Variants in CDH13 observed in about 807,000 individuals in gnomAD.
CDH13 encodes the protein cadherin 13.
CDH13 carries 24 observed loss-of-function variants against 63.8 expected under a neutral mutation model. That is an observed-to-expected ratio of 0.38 (90% CI 0.27 to 0.53). The LOEUF is 0.53. CDH13 is among the 20% of genes least tolerant of loss of function. The pLI is 0.85. For synonymous variants in CDH13, 503 were observed against 355.3 expected, an observed-to-expected ratio of 1.42 and a Z score of -4.67; for missense variants, 1,049 against 903.1, an observed-to-expected ratio of 1.16 and a Z score of -2.07.
At chr16:83,306,612 T>A (rs1439734843) in intron 5 of CDH13, among the ~76,000 whole-genome samples, 1 of 152,216 alleles carries the variant, frequency 6.6e-6, no homozygotes, top group Non-Finnish European at 1.5e-5. Flanking sequence ...AGCTAAATTA[T>A]AATAATTCTG....
chr16:82,988,964 C>T (rs900525874), intron 2 of CDH13, among the ~76,000 whole-genome samples: 1 of 152,070 alleles, frequency 6.6e-6, no homozygotes, highest in Admixed American at 6.5e-5. Flanking sequence ...TTTATATCTC[C>T]AGTGCCAAAG....
intron 4 of CDH13, among the ~76,000 whole-genome samples, chr16:83,200,403 G>A (rs1234660519): frequency 2.6e-5 from 4 of 152,104 alleles, no homozygotes; most frequent in African/African-American, 9.7e-5. Context: ...ACTGTACCTC[G>A]TGTTCCATGT....
chr16:83,266,869 CG>C (rs1307019089), intron 5 of CDH13, among the ~76,000 whole-genome samples: 1 of 152,154 alleles, frequency 6.6e-6, no homozygotes, highest in Non-Finnish European at 1.5e-5. Context: ...GGTCTCAAGT[CG>C]GGATGTCTTG....
At chr16:83,570,609 G>A (rs1904487119) in intron 7 of CDH13, among the ~76,000 whole-genome samples, 1 of 151,082 alleles carries the variant, frequency 6.6e-6, no homozygotes, top group Non-Finnish European at 1.5e-5. Context: ...AAGACGGCTG[G>A]GGAGCTCAAC....
intron 4 of CDH13, among the ~76,000 whole-genome samples, chr16:83,181,867 T>C (rs886276848): frequency 1.8e-4 from 27 of 152,298 alleles, no homozygotes; most frequent in Admixed American, 4.6e-4. Flanking sequence ...GAGATGTTGA[T>C]TGCAGGTTGG....
chr16:82,676,867 T>C (rs1913973797), intron 1 of CDH13, among the ~76,000 whole-genome samples: 1 of 125,382 alleles, frequency 8.0e-6, no homozygotes, highest in African/African-American at 3.2e-5. Context: ...TTGGGTTTCT[T>C]TGTTTTTTGT....
chr16:82,890,407 T>C (rs1423812991), intron 2 of CDH13, among the ~76,000 whole-genome samples: 1 of 152,148 alleles, frequency 6.6e-6, no homozygotes, highest in East Asian at 1.9e-4. Flanking sequence ...CCAGACTTAA[T>C]GGTCATTTCC....
intron 4 of CDH13, among the ~76,000 whole-genome samples, chr16:83,127,533 C>T (rs984875283): frequency 6.6e-6 from 1 of 151,990 alleles, no homozygotes; most frequent in South Asian, 2.1e-4. Flanking sequence ...AGTTCAAGAC[C>T]ATCCTGGCCA....
intron 1 of CDH13, among the ~76,000 whole-genome samples, chr16:82,730,486 G>A (rs190551318): frequency 3.3e-5 from 5 of 152,192 alleles, no homozygotes; most frequent in African/African-American, 9.7e-5. Flanking sequence ...TATTACGTTA[G>A]CCTTCTTGTA....
chr16:83,124,141 G>A (rs1276907858), intron 3 of CDH13, among the ~76,000 whole-genome samples: 1 of 152,088 alleles, frequency 6.6e-6, no homozygotes, highest in South Asian at 2.1e-4. Flanking sequence ...CGCCTCCTGG[G>A]TTCAAGCAAT....
At chr16:82,726,543 G>T (rs1002890054) in intron 1 of CDH13, among the ~76,000 whole-genome samples, 7 of 152,180 alleles carry the variant, frequency 4.6e-5, no homozygotes, top group Non-Finnish European at 8.8e-5. Flanking sequence ...GCTGTTGTTT[G>T]CTGACCTCTG....
In CDH13 at chr16:83,098,661, G is replaced by A. The variant is rs143389453; in HGVS notation, c.367-26724G>A. On this transcript the variant is annotated intron_variant, in intron 3 of 13. Transcript: ENST00000567109. ...GTTGACAAATTTTATTTTTCTTTGA[G>A]CATTTCAACGGTTCACTCCATTATC... is the stretch of plus-strand genomic sequence containing the variant. Among the ~76,000 whole-genome samples the A allele has an allele frequency of 1.5e-3, 228 of 152,256 alleles. 2 individuals carry two copies. The Middle Eastern group carries it at 0.017, about 11-fold the overall frequency.
At position 83,131,069 on chromosome 16, in the gene CDH13, C is replaced by G. The variant is rs138492135; in HGVS notation, c.483+5568C>G. Among the ~76,000 whole-genome samples, 32 of 152,034 alleles carry G rather than the reference C, an allele frequency of 2.1e-4. No homozygotes were observed. In the East Asian group the frequency reaches 5.8e-3, roughly 28 times the overall value. ...AGTTGGTTGGTAAGTAGCTAAACTA[C>G]TAGAATTTGGGATCTGCTTTTCCGT... On this transcript the variant is annotated intron_variant, in intron 4 of 13. Transcript: ENST00000567109.
At chr16:82,977,240 A>G (rs1909642616) in intron 2 of CDH13, among the ~76,000 whole-genome samples, 1 of 152,112 alleles carries the variant, frequency 6.6e-6, no homozygotes, top group Non-Finnish European at 1.5e-5. Flanking sequence ...TGGGCTGCAG[A>G]GCTGGACAAC....
At chr16:83,248,226 G>C (rs369568713) in intron 5 of CDH13, among the ~76,000 whole-genome samples, 42 of 152,242 alleles carry the variant, frequency 2.8e-4, no homozygotes, top group East Asian at 1.4e-3. Context: ...TGAAAAAAGA[G>C]ATCAGGAAGG....
chr16:83,559,490 G>C (rs976451472), intron 7 of CDH13, among the ~76,000 whole-genome samples: 2 of 152,038 alleles, frequency 1.3e-5, no homozygotes, highest in African/African-American at 4.8e-5. Context: ...AGAATCACTT[G>C]AACCTGGGAG....
At chr16:83,665,639 T>G (rs1026210368) in intron 8 of CDH13, among the ~76,000 whole-genome samples, 6 of 152,326 alleles carry the variant, frequency 3.9e-5, no homozygotes. Context: ...ATATTAGTTC[T>G]CTGTGAAACT....
intron 8 of CDH13, among the ~76,000 whole-genome samples, chr16:83,609,396 GAC>G (rs36112624): frequency 0.35 from 53,178 of 151,910 alleles, 9,553 homozygotes; most frequent in East Asian, 0.46. Flanking sequence ...TTAAATCAAT[GAC>G]ACATATTAGC....
At chr16:82,686,812 A>G (rs1020858805) in intron 1 of CDH13, among the ~76,000 whole-genome samples, 1 of 152,152 alleles carries the variant, frequency 6.6e-6, no homozygotes, top group African/African-American at 2.4e-5. Flanking sequence ...GGTATTATCA[A>G]TACCCATGGC....
Sources: gnomAD v4.1 joint callset for allele counts (sites outside exome capture counted in the v4.1 genomes callset) on GRCh38, gnomAD v4.1.1 for gene constraint, MANE v1.5 for transcripts, NCBI Gene and HGNC (gene_info 2026-07-23, HGNC 2026-07-21) for gene names.